Variants in AFAP1 observed in about 807,000 individuals in gnomAD.
The protein encoded by AFAP1 is actin filament-associated protein 1.
In AFAP1, 75 loss-of-function variants were observed where a neutral mutation model predicts 93.9. The ratio of observed to expected loss-of-function variants is 0.80; its 90% CI spans 0.66 to 0.97. AFAP1 has a LOEUF of 0.97. Ranked by LOEUF, AFAP1 falls within the 50% of genes least tolerant of loss-of-function variation. The pLI is 0.00. For missense variants in AFAP1, 1,201 were observed against 1,050.8 expected, an observed-to-expected ratio of 1.14 and a Z score of -1.98; for synonymous variants, 517 against 430.7, an observed-to-expected ratio of 1.20 and a Z score of -2.48.
rs749229226 is a variant in AFAP1 at position 7,855,587 on chromosome 4, G to C, written c.226-13C>G. The stretch of plus-strand genomic sequence containing the variant: ...CACTGTCAGGAGGCTGAGGAAGAAA[G>C]GAAAAGTGACACAGAAATTAGCATG... On this transcript the variant is annotated splice_polypyrimidine_tract_variant and intron_variant, in intron 3 of 17. Coordinates refer to ENST00000420658, the MANE Select transcript of AFAP1 (RefSeq NM_001134647.2). The C allele has an allele frequency of 2.0e-5, 31 of 1,586,862 alleles. No individual in the cohort carries two copies. The highest frequency in any genetic ancestry group is 6.7e-5 in the East Asian group (3 of 44,760).
chr4:7,774,636 A>T, intron 15 of AFAP1, 103 bp downstream of exon 15: 1 of 1,464,402 alleles, frequency 6.8e-7, no homozygotes, highest in South Asian at 1.4e-5. Context: ...ACTAAATAAA[A>T]TGACAGCCTT....
intron 11 of AFAP1, among the ~76,000 whole-genome samples, chr4:7,792,965 T>C (rs1030633526): frequency 6.6e-6 from 1 of 152,164 alleles, no homozygotes; most frequent in Non-Finnish European, 1.5e-5. Context: ...AATGCAAATG[T>C]CCCAACAGTG....
At chr4:7,902,505 AT>A (rs1006260860) in intron 1 of AFAP1, among the ~76,000 whole-genome samples, 2 of 152,064 alleles carry the variant, frequency 1.3e-5, no homozygotes, top group Non-Finnish European at 2.9e-5. Flanking sequence ...TCTAGGTTTG[AT>A]TTTTTTCCCC....
intron 1 of AFAP1, among the ~76,000 whole-genome samples, chr4:7,910,581 A>C (rs1186578685): frequency 1.3e-5 from 2 of 152,232 alleles, no homozygotes; most frequent in African/African-American, 4.8e-5. Flanking sequence ...GACTACACTC[A>C]CGGATTCTGC....
At chr4:7,905,905 T>C (rs1031850796) in intron 1 of AFAP1, among the ~76,000 whole-genome samples, 2 of 152,174 alleles carry the variant, frequency 1.3e-5, no homozygotes, top group African/African-American at 4.8e-5. Context: ...GGGGGCTCCA[T>C]GCCGGGAAGA....
intron 4 of AFAP1, among the ~76,000 whole-genome samples, chr4:7,844,633 A>G (rs773004241): frequency 1.3e-5 from 2 of 152,238 alleles, no homozygotes; most frequent in Non-Finnish European, 2.9e-5. Context: ...CTAACAAAGT[A>G]CCTGGCACAG....
intron 1 of AFAP1, among the ~76,000 whole-genome samples, chr4:7,934,390 C>T (rs1373104462): frequency 6.6e-6 from 1 of 152,232 alleles, no homozygotes; most frequent in African/African-American, 2.4e-5. Context: ...ACGAGTCCCA[C>T]TTCTGCATCT....
At chr4:7,907,469 G>A (rs566348292) in intron 1 of AFAP1, among the ~76,000 whole-genome samples, 11 of 152,132 alleles carry the variant, frequency 7.2e-5, no homozygotes, top group East Asian at 1.9e-4. Flanking sequence ...TTTGACAACC[G>A]AGGGATCTAA....
intron 7 of AFAP1, among the ~76,000 whole-genome samples, chr4:7,817,518 G>A (rs1216490834): frequency 4.6e-5 from 7 of 152,310 alleles, no homozygotes; most frequent in East Asian, 1.9e-4. Flanking sequence ...TTGAACTCAG[G>A]AGGTGGAGGC....
chr4:7,845,637 C>T (rs549209660), intron 4 of AFAP1, among the ~76,000 whole-genome samples: 2 of 152,190 alleles, frequency 1.3e-5, no homozygotes, highest in Non-Finnish European at 2.9e-5. Flanking sequence ...TGCCCCGCTT[C>T]TGCCCCTGCT....
rs911107900 is a variant in AFAP1 at position 7,939,822 on chromosome 4, G to C, written c.-169C>G. On this transcript the variant is annotated 5_prime_UTR_variant, in exon 1 of 18. Coordinates refer to ENST00000420658, the MANE Select transcript of AFAP1 (RefSeq NM_001134647.2). This position sits in a 1 kb window ranked among gnomAD's most constrained non-coding sequence, Gnocchi z 5.6. Reference sequence around the variant, plus strand: ...CCCCGCTCGAGATCCGGCTCGGCTCGCGGAGCTGCAGCCGGCGTGGGGCTG... The same window carrying C: ...CCCCGCTCGAGATCCGGCTCGGCTCCCGGAGCTGCAGCCGGCGTGGGGCTG... 2.0e-5 allele frequency: 6 copies of C among 299,986 alleles called. No individual in the cohort carries two copies. Among genetic ancestry groups the C allele is most frequent in the East Asian group, 1.6e-4 (1 of 6,140 alleles). The allele number at this position is 299,986 out of a possible 1,614,324, so 18.6% of individuals were successfully genotyped here. A position where few individuals can be genotyped will look rare whatever the true frequency, so the allele number is the denominator to read the frequency against.
At chr4:7,850,169 G>A (rs1330584962) in intron 4 of AFAP1, among the ~76,000 whole-genome samples, 6 of 152,150 alleles carry the variant, frequency 3.9e-5, no homozygotes, top group African/African-American at 1.4e-4. Flanking sequence ...GAACTTATTT[G>A]AGACTCAGTG....
chr4:7,774,706 T>TGCACCCTGGGCAGTCACCC, intron 15 of AFAP1, 33 bp downstream of exon 15: 1 of 1,607,382 alleles, frequency 6.2e-7, no homozygotes, highest in Non-Finnish European at 8.5e-7. Flanking sequence ...AATACAAACA[T>TGCACCCTGGGCAGTCACCC]GCACCCTGGG....
At chr4:7,808,549 G>C (rs755078686) in intron 9 of AFAP1, among the ~76,000 whole-genome samples, 5 of 152,120 alleles carry the variant, frequency 3.3e-5, no homozygotes, top group Admixed American at 6.5e-5. Flanking sequence ...CTTACTGGAT[G>C]AAAGACTGAC....
chr4:7,929,487 C>G (rs1041201734), intron 1 of AFAP1, among the ~76,000 whole-genome samples: 3 of 152,198 alleles, frequency 2.0e-5, no homozygotes, highest in Non-Finnish European at 4.4e-5. Flanking sequence ...CTGAAAAAGC[C>G]TCAGCTGCTC....
chr4:7,868,033 T>C lies in AFAP1; in HGVS notation c.225+589A>G, dbSNP rs142541733. Among the ~76,000 whole-genome samples the C allele has an allele frequency of 2.9e-4, 43 of 150,762 alleles. No homozygotes were observed. The East Asian group carries it at 8.2e-3, about 29-fold the overall frequency. On this transcript the variant is annotated intron_variant, in intron 3 of 17. Transcript: ENST00000420658. ...GTAAACAAGTTAGAAAACAGCCAAA[T>C]ATAGAAAAAGCTGAATGGTACATAA...
Position 7,868,927 on chromosome 4 carries a change from A to AAAAGAG in AFAP1, c.128-214_128-209dup, listed in dbSNP as rs549538142. 2.8e-4 allele frequency among the ~76,000 whole-genome samples: 42 copies of AAAAGAG among 152,214 alleles called. 1 individual carries two copies. Among genetic ancestry groups the AAAAGAG allele is most frequent in the South Asian group, 8.3e-4 (4 of 4,822 alleles). On this transcript the variant is annotated intron_variant, in intron 2 of 17. Coordinates refer to ENST00000420658, the MANE Select transcript of AFAP1 (RefSeq NM_001134647.2). ...CAGCTTAAATAAAGTGAAAGAAAAG[A>AAAAGAG]AAAGAGAAAGAGAAAGAGAAAGGGA...
At chr4:7,787,952 G>GT (rs1244958643) in intron 11 of AFAP1, among the ~76,000 whole-genome samples, 3 of 145,532 alleles carry the variant, frequency 2.1e-5, no homozygotes. Context: ...CTCCGCGTGG[G>GT]TGCTGCCCCC....
intron 17 of AFAP1, among the ~76,000 whole-genome samples, chr4:7,768,102 G>C (rs531269365): frequency 6.6e-6 from 1 of 152,236 alleles, no homozygotes; most frequent in Admixed American, 6.5e-5. Context: ...TTCCGGCAAT[G>C]AGAGGAACCC....
Sources: allele counts gnomAD v4.1 joint callset (sites outside exome capture counted in the v4.1 genomes callset), GRCh38; gene constraint gnomAD v4.1.1; non-coding constraint Gnocchi (gnomAD v3.1); transcripts MANE v1.5; gene names NCBI Gene and HGNC (gene_info 2026-07-23, HGNC 2026-07-21).